The following GPC6 variants were observed in gnomAD, a reference collection of about 807,000 sequenced individuals.
GPC6 encodes glypican-6.
A neutral mutation model predicts 55.2 loss-of-function variants in GPC6; 14 were observed. The ratio of observed to expected loss-of-function variants is 0.25; its 90% CI spans 0.17 to 0.40. GPC6 has a LOEUF of 0.40. Among genes scored for constraint, GPC6 ranks in the 10% least tolerant of loss-of-function variants. The probability of loss-of-function intolerance (pLI) is 1.00; values close to 1 mark genes in which losing one functional copy is unlikely to be tolerated. For synonymous variants in GPC6, 278 were observed against 259.6 expected (o/e 1.07, Z -0.68); for missense variants, 641 against 708.5 (o/e 0.90, Z 1.08).
At chr13:94,136,905 A>G (rs997177308) in intron 4 of GPC6, among the ~76,000 whole-genome samples, 1 of 152,192 alleles carries the variant, frequency 6.6e-6, no homozygotes, top group African/African-American at 2.4e-5. Context: ...CAAGGCAAGA[A>G]ATGGTAGTGG....
intron 2 of GPC6, among the ~76,000 whole-genome samples, chr13:93,572,355 A>T (rs894356651): frequency 2.0e-5 from 3 of 152,106 alleles, no homozygotes; most frequent in African/African-American, 7.2e-5. Flanking sequence ...ACGCTTGGGG[A>T]TAAAATGAAA....
At chr13:93,258,993 A>T (rs1877046046) in intron 1 of GPC6, among the ~76,000 whole-genome samples, 3 of 152,110 alleles carry the variant, frequency 2.0e-5, no homozygotes, top group African/African-American at 4.8e-5. Flanking sequence ...CTTCCATGGT[A>T]ACTTCTGAAG....
At chr13:93,797,635 T>G (rs9561449) in intron 2 of GPC6, among the ~76,000 whole-genome samples, 50,085 of 151,940 alleles carry the variant, frequency 0.33, 8,661 homozygotes, top group African/African-American at 0.43. Flanking sequence ...GAGCTTGGGG[T>G]ATATGTGAGT....
intron 4 of GPC6, among the ~76,000 whole-genome samples, chr13:94,135,887 T>A (rs571570880): frequency 3.3e-5 from 5 of 152,328 alleles, no homozygotes; most frequent in African/African-American, 9.6e-5. Flanking sequence ...CAGAAAGAGT[T>A]GATTTTTGAG....
At chr13:93,740,161 T>G (rs1884152856) in intron 2 of GPC6, among the ~76,000 whole-genome samples, 1 of 146,794 alleles carries the variant, frequency 6.8e-6, no homozygotes, top group African/African-American at 2.6e-5. Flanking sequence ...TACAAATCAC[T>G]AGAGAATACT....
chr13:93,306,087 CAT>C (rs2139101237), intron 1 of GPC6, among the ~76,000 whole-genome samples: 1 of 152,248 alleles, frequency 6.6e-6, no homozygotes, highest in South Asian at 2.1e-4. Flanking sequence ...GTGTATGACA[CAT>C]AAAGTAATTA....
At chr13:93,815,183 G>A (rs989964289) in intron 2 of GPC6, among the ~76,000 whole-genome samples, 2 of 152,006 alleles carry the variant, frequency 1.3e-5, no homozygotes, top group Non-Finnish European at 1.5e-5. Flanking sequence ...AAATAAGAAT[G>A]ATATTATATC....
intron 2 of GPC6, among the ~76,000 whole-genome samples, chr13:93,757,990 G>A (rs1337196962): frequency 3.9e-5 from 6 of 152,138 alleles, no homozygotes; most frequent in Admixed American, 1.3e-4. Context: ...ATTACATCCA[G>A]TCACTGTTCC....
chr13:93,645,557 C>T (rs1336708710), intron 2 of GPC6, among the ~76,000 whole-genome samples: 3 of 152,058 alleles, frequency 2.0e-5, no homozygotes, highest in Admixed American at 1.3e-4. Flanking sequence ...GCAAGGCCCA[C>T]GAAACAAAAA....
intron 3 of GPC6, among the ~76,000 whole-genome samples, chr13:94,000,426 A>G (rs1193141791): frequency 6.6e-6 from 1 of 152,210 alleles, no homozygotes; most frequent in East Asian, 1.9e-4. Context: ...GACTAGCATC[A>G]CTGCCATCTT....
intron 1 of GPC6, among the ~76,000 whole-genome samples, chr13:93,457,323 A>G (rs1878492503): frequency 6.6e-6 from 1 of 152,084 alleles, no homozygotes; most frequent in South Asian, 2.1e-4. Context: ...TCTTTACCCA[A>G]CTAATTACAT....
At chr13:93,798,158 C>T (rs1399397038) in intron 2 of GPC6, among the ~76,000 whole-genome samples, 5 of 152,060 alleles carry the variant, frequency 3.3e-5, no homozygotes, top group African/African-American at 1.2e-4. Flanking sequence ...GTGTGACTAC[C>T]TAAGTCACAT....
chr13:93,852,355 C>T (rs1393429092), intron 3 of GPC6, among the ~76,000 whole-genome samples: 1 of 151,724 alleles, frequency 6.6e-6, no homozygotes, highest in African/African-American at 2.4e-5. Context: ...TCAGCAGACA[C>T]CACATTCCTA....
chr13:93,357,599 G>T (rs1028001214), intron 1 of GPC6, among the ~76,000 whole-genome samples: 18 of 151,632 alleles, frequency 1.2e-4, no homozygotes, highest in African/African-American at 4.4e-4. Context: ...TAATGTTTTG[G>T]AGGCTGAAGT....
intron 2 of GPC6, among the ~76,000 whole-genome samples, chr13:93,586,079 C>T (rs1877185873): frequency 6.6e-6 from 1 of 151,942 alleles, no homozygotes; most frequent in Non-Finnish European, 1.5e-5. Flanking sequence ...AAGCCTGGTA[C>T]CCATTAGTTA....
intron 4 of GPC6, among the ~76,000 whole-genome samples, chr13:94,223,229 A>T (rs1890441602): frequency 6.6e-6 from 1 of 152,174 alleles, no homozygotes; most frequent in Non-Finnish European, 1.5e-5. Context: ...TAAACTCTGG[A>T]TAAATTGAAA....
At chr13:94,249,027 C>T (rs2139035273) in intron 4 of GPC6, among the ~76,000 whole-genome samples, 1 of 152,216 alleles carries the variant, frequency 6.6e-6, no homozygotes, top group Non-Finnish European at 1.5e-5. Flanking sequence ...TCAGGAGCAG[C>T]TTTCTGGGAA....
intron 3 of GPC6, among the ~76,000 whole-genome samples, chr13:94,012,122 T>C (rs760526925): frequency 1.6e-4 from 24 of 152,218 alleles, no homozygotes; most frequent in Non-Finnish European, 2.9e-4. Context: ...CTCTACCCGA[T>C]CAGATTCTTC....
intron 3 of GPC6, among the ~76,000 whole-genome samples, chr13:94,018,053 A>T (rs987285957): frequency 2.0e-5 from 3 of 152,122 alleles, no homozygotes; most frequent in Non-Finnish European, 4.4e-5. Context: ...GTTAGCTGTG[A>T]GTTTTCATAA....
Sources: gnomAD v4.1 joint callset for allele counts (sites outside exome capture counted in the v4.1 genomes callset) on GRCh38, gnomAD v4.1.1 for gene constraint, MANE v1.5 for transcripts, NCBI Gene and HGNC (gene_info 2026-07-23, HGNC 2026-07-21) for gene names.